Variants in NCOR2 observed in about 807,000 individuals in gnomAD.
NCOR2 encodes CTG repeat protein 26.
A neutral mutation model predicts 262.9 loss-of-function variants in NCOR2; 81 were observed. The ratio of observed to expected loss-of-function variants is 0.31; its 90% CI spans 0.26 to 0.37. The LOEUF is 0.37. Among genes scored for constraint, NCOR2 ranks in the 10% least tolerant of loss-of-function variants. The probability of loss-of-function intolerance (pLI) is 1.00; values close to 1 mark genes in which losing one functional copy is unlikely to be tolerated. For synonymous variants in NCOR2, 1,659 were observed against 1,559.3 expected (o/e 1.06, Z -1.51); for missense variants, 3,385 against 3,621.4 (o/e 0.93, Z 1.68).
chr12:124,500,310 C>T (rs896903276), intron 1 of NCOR2, among the ~76,000 whole-genome samples: 2 of 152,170 alleles, frequency 1.3e-5, no homozygotes, highest in African/African-American at 4.8e-5. Flanking sequence ...TCCCCATGCA[C>T]GGCTGCAGGG....
Position 124,362,172 on chromosome 12 carries a change from G to C in NCOR2, c.3054C>G (p.Ser1018Arg). The change falls in exon 22 of 47, where the codon AGC (serine) becomes AGG (arginine). Residue 1018 changes from serine to arginine, a missense_variant. Ser to Arg is a moderately radical substitution (Grantham distance 110, BLOSUM62 -1). This residue lies in a region of NCOR2 where 1,615 missense variants were observed against 1,626.9 expected (regional missense o/e 0.99). Transcript: ENST00000405201. ...CCGGGCTCCTGCTCTTGCCCCGGGG[G>C]CTGCTGCCAGGCTGCTGAGGGGCGT... is the stretch of plus-strand genomic sequence containing the variant. 5 of 1,308,250 alleles carry C rather than the reference G, an allele frequency of 3.8e-6. No homozygotes were observed. In the South Asian group the frequency reaches 1.2e-4, roughly 32 times the overall value. 81.0% of individuals were successfully genotyped at this position (1,308,250 alleles called of 1,614,324 possible).
intron 13 of NCOR2, among the ~76,000 whole-genome samples, chr12:124,416,235 AC>A (rs140666406): frequency 0.077 from 11,664 of 152,184 alleles, 531 homozygotes; most frequent in Middle Eastern, 0.12. Context: ...GTAAAAAAAA[AC>A]ATCTCTATTT....
chr12:124,520,661 A>G (rs2050133589), intron 1 of NCOR2, among the ~76,000 whole-genome samples: 1 of 152,188 alleles, frequency 6.6e-6, no homozygotes. Flanking sequence ...CACCAGAAAC[A>G]GCCACAGGCA....
intron 40 of NCOR2, 124 bp downstream of exon 42, chr12:124,335,011 C>A: frequency 6.8e-7 from 1 of 1,465,436 alleles, no homozygotes; most frequent in Admixed American, 1.7e-5. Flanking sequence ...CCCCCCAGCG[C>A]CATGCCCTGG....
At chr12:124,390,608 T>C (rs975818114) in intron 16 of NCOR2, among the ~76,000 whole-genome samples, 2 of 152,190 alleles carry the variant, frequency 1.3e-5, no homozygotes, top group Non-Finnish European at 2.9e-5. Flanking sequence ...TGGGCATCTC[T>C]GCCACCCGTC....
At chr12:124,423,751 G>C (rs563591234) in intron 11 of NCOR2, among the ~76,000 whole-genome samples, 4 of 152,158 alleles carry the variant, frequency 2.6e-5, no homozygotes, top group Non-Finnish European at 4.4e-5. Flanking sequence ...AATCTCCTAG[G>C]TCCCCTGTTC....
At chr12:124,526,502 C>G (rs115719511) in intron 1 of NCOR2, among the ~76,000 whole-genome samples, 1 of 152,188 alleles carries the variant, frequency 6.6e-6, no homozygotes, top group Non-Finnish European at 1.5e-5. Flanking sequence ...ATGGAGGGAA[C>G]AGGTGTGGGC....
In NCOR2 at chr12:124,378,457, C is replaced by T. The variant is rs1234841301; in HGVS notation, c.2020-73G>A. The T allele has an allele frequency of 2.1e-6, 3 of 1,458,676 alleles. No homozygotes were observed. The highest frequency in any genetic ancestry group is 1.3e-5 in the South Asian group (1 of 74,990). The allele number at this position is 1,458,676 out of a possible 1,614,324, so 90.4% of individuals were successfully genotyped here. A position where few individuals can be genotyped will look rare whatever the true frequency, so the allele number is the denominator to read the frequency against. ...GCTCGGGGACTCCCCATGCCTGGGGCCTCGCCGCAGGTGCAAAGGGCAGTG... is the reference window on the plus strand; with the variant it reads ...GCTCGGGGACTCCCCATGCCTGGGGTCTCGCCGCAGGTGCAAAGGGCAGTG... On this transcript the variant is annotated intron_variant, in intron 17 of 46. Transcript: ENST00000405201. The surrounding 1 kb of genome is among the most constrained non-coding windows in gnomAD (Gnocchi z 4.2).
chr12:124,334,475 G>A (rs761009542), exon 41 of NCOR2: 26 of 1,465,268 alleles, frequency 1.8e-5, no homozygotes, highest in Middle Eastern at 2.4e-4. Context: ...ACCATGGTCC[G>A]GGGGCGGGAG....
At chr12:124,489,640 G>A (rs561314175) in intron 1 of NCOR2, among the ~76,000 whole-genome samples, 1 of 150,176 alleles carries the variant, frequency 6.7e-6, no homozygotes, top group South Asian at 2.1e-4. Context: ...GCCTCAGAGG[G>A]TTCTCCCTGA....
chr12:124,344,330 G>A (rs1307724668), intron 32 of NCOR2, among the ~76,000 whole-genome samples: 1 of 152,224 alleles, frequency 6.6e-6, no homozygotes, highest in Non-Finnish European at 1.5e-5. Flanking sequence ...AAGTATCCGG[G>A]TAGCTGTTTG....
Position 124,483,888 on chromosome 12 carries a change from T to C in NCOR2, c.234-115A>G. ...CTGCGCGCCGTGCTCTGTATGATCC[T>C]GCCAGGAAGGTGCTCACAGGAGCCC... On this transcript the variant is annotated intron_variant, in intron 2 of 46. Transcript: ENST00000405201. This position sits in a 1 kb window ranked among gnomAD's most constrained non-coding sequence, Gnocchi z 6.3. The C allele has an allele frequency of 7.9e-7, 1 of 1,263,856 alleles. No homozygotes were observed. The highest frequency in any genetic ancestry group is 1.5e-5 in the African/African-American group (1 of 65,158). 78.3% of individuals were successfully genotyped at this position (1,263,856 alleles called of 1,614,324 possible).
chr12:124,341,243 C>CT (rs757260730), intron 34 of NCOR2, among the ~76,000 whole-genome samples: 4,494 of 145,756 alleles, frequency 0.031, 103 homozygotes, highest in African/African-American at 0.065. Context: ...ACATTTTCAT[C>CT]TTTTTTTTTT....
intron 37 of NCOR2, 48 bp downstream of exon 39, chr12:124,339,958 A>C: frequency 1.4e-5 from 20 of 1,470,174 alleles, no homozygotes; most frequent in Non-Finnish European, 1.8e-5. Context: ...CCTCCTACTG[A>C]CCACCCATCC....
At chr12:124,506,826 C>A (rs1417378518) in intron 1 of NCOR2, among the ~76,000 whole-genome samples, 1 of 152,176 alleles carries the variant, frequency 6.6e-6, no homozygotes, top group East Asian at 1.9e-4. Context: ...GTAACCTGGG[C>A]AAACCACTTA....
chr12:124,329,122 A>G, intron 44 of NCOR2: 1 of 470,462 alleles, frequency 2.1e-6, no homozygotes, highest in South Asian at 1.5e-5. Flanking sequence ...AGTGGCAAAG[A>G]CTGGAGCCTG....
intron 16 of NCOR2, among the ~76,000 whole-genome samples, chr12:124,390,478 A>ACCCCCCCCCCCCCCCCCC (rs34149760): frequency 8.3e-6 from 1 of 121,106 alleles, no homozygotes; most frequent in Non-Finnish European, 1.8e-5. Context: ...CTCCAAAGTG[A>ACCCCCCCCCCCCCCCCCC]CCCCCCCCCG....
chr12:124,433,880 AC>A (rs2044158935), intron 8 of NCOR2, among the ~76,000 whole-genome samples: 3 of 125,588 alleles, frequency 2.4e-5, no homozygotes, highest in Admixed American at 7.5e-5. Flanking sequence ...ACACACACAC[AC>A]ACACACACAC....
intron 20 of NCOR2, among the ~76,000 whole-genome samples, chr12:124,371,127 G>A (rs889837718): frequency 2.0e-5 from 3 of 152,134 alleles, no homozygotes; most frequent in South Asian, 2.1e-4. Flanking sequence ...GGAGAGGCTC[G>A]TAAAGGCCTT....
Sources: gnomAD v4.1 joint callset for allele counts (sites outside exome capture counted in the v4.1 genomes callset) on GRCh38, gnomAD v4.1.1 for gene constraint, gnomAD v4.1.1 regional missense constraint, Gnocchi (gnomAD v3.1) non-coding constraint, MANE v1.5 for transcripts, NCBI Gene and HGNC (gene_info 2026-07-23, HGNC 2026-07-21) for gene names.